Variants in ZMYND8 observed in about 807,000 individuals in gnomAD.
ZMYND8 encodes zinc finger MYND-type containing 8.
Under a neutral mutation model 140.8 loss-of-function variants are expected in ZMYND8, and 37 were observed. The ratio of observed to expected loss-of-function variants is 0.26; its 90% confidence interval spans 0.20 to 0.35. The LOEUF is 0.35. ZMYND8 is among the 10% of genes least tolerant of loss of function. The probability of loss-of-function intolerance (pLI) is 1.00; values close to 1 mark genes in which losing one functional copy is unlikely to be tolerated. For missense variants in ZMYND8, 1,068 were observed against 1,570.0 expected (o/e 0.68, Z 5.40); for synonymous variants, 592 against 597.1 (o/e 0.99, Z 0.12).
chr20:47,305,344 G>A (rs1281067798), intron 3 of ZMYND8, among the ~76,000 whole-genome samples: 5 of 151,710 alleles, frequency 3.3e-5, no homozygotes, highest in Admixed American at 6.6e-5. Flanking sequence ...AGGTTGAAGC[G>A]ATTCTCATGT....
In ZMYND8 at chr20:47,310,040, C is replaced by T; in HGVS notation, c.234+16G>A. 12 of 1,614,114 alleles carry T rather than the reference C, an allele frequency of 7.4e-6. No individual in the cohort carries two copies. The highest frequency in any genetic ancestry group is 1.0e-5 in the Non-Finnish European group (12 of 1,180,018). On this transcript the variant is annotated intron_variant, in intron 3 of 22. Coordinates refer to ENST00000471951, the MANE Select transcript of ZMYND8 (RefSeq NM_001281775.3). ...TGTCCCACCAGTGAGGACACCGTTC[C>T]CAGCGGCTGCTTTACCTGCTCCTTA...
chr20:47,264,206 G>A (rs918661462), intron 11 of ZMYND8, among the ~76,000 whole-genome samples: 15 of 152,200 alleles, frequency 9.9e-5, no homozygotes, highest in South Asian at 6.2e-4. Context: ...GATCAATGTC[G>A]TCGATCTATG....
intron 2 of ZMYND8, among the ~76,000 whole-genome samples, chr20:47,341,934 C>T (rs1361702666): frequency 2.6e-5 from 4 of 151,656 alleles, no homozygotes; most frequent in Non-Finnish European, 5.9e-5. Flanking sequence ...ACCCGGGAGG[C>T]GGAGCTTGCA....
rs910982103 is a variant in ZMYND8 at position 47,303,976 on chromosome 20, A to T, written c.235-5029T>A. On this transcript the variant is annotated intron_variant, in intron 3 of 22. Transcript: ENST00000471951. ...TAGATGCCTGGTTAATCTCCTTATC[A>T]ATCAGATATTTTCCTTATCTGCTGC... is the stretch of plus-strand genomic sequence containing the variant. Among the ~76,000 whole-genome samples, 10 of 151,898 alleles carry T rather than the reference A, an allele frequency of 6.6e-5. No homozygotes were observed. In the Middle Eastern group the frequency reaches 0.014, roughly 207 times the overall value.
intron 1 of ZMYND8, among the ~76,000 whole-genome samples, chr20:47,350,345 A>C (rs2868829): frequency 0.35 from 50,859 of 146,818 alleles, 13,615 homozygotes; most frequent in African/African-American, 0.76. Context: ...AAAAAAAAAA[A>C]AAAAAAACTT....
chr20:47,239,094 G>C lies in ZMYND8; in HGVS notation c.2329C>G (p.Pro777Ala), dbSNP rs769574932. The C allele has an allele frequency of 1.1e-5, 16 of 1,521,402 alleles. No individual in the cohort carries two copies. Among genetic ancestry groups the C allele is most frequent in the Non-Finnish European group, 1.4e-5 (16 of 1,137,604 alleles). 94.2% of individuals were successfully genotyped at this position (1,521,402 alleles called of 1,614,324 possible). The change falls in exon 15 of 23, where the codon CCC (proline) becomes GCC (alanine). Residue 777 changes from proline (P) to alanine (A), a missense_variant. Pro to Ala is a conservative substitution (Grantham distance 27, BLOSUM62 -1). Coordinates refer to ENST00000471951, the MANE Select transcript of ZMYND8 (RefSeq NM_001281775.3). ...CGGGTGAGCACCGGTGTTTCCGGGG[G>C]AGAATGGCTGCCCACCGTCGTGGAT... The part of the protein sequence containing the change: ...PPSTTVGSHS[P>A]PETPVLTRSS...
intron 7 of ZMYND8, among the ~76,000 whole-genome samples, chr20:47,288,438 G>C (rs999281824): frequency 9.1e-5 from 13 of 143,600 alleles, no homozygotes; most frequent in Admixed American, 6.6e-4. Context: ...TGTCACCCAG[G>C]TTGGAGTGCA....
In ZMYND8 at chr20:47,347,905, T is replaced by G; in HGVS notation, c.36A>C (p.Lys12Asn). 1 of 1,614,028 alleles carries G rather than the reference T, an allele frequency of 6.2e-7. No individual in the cohort carries two copies. The highest frequency in any genetic ancestry group is 8.5e-7 in the Non-Finnish European group (1 of 1,180,034). Residue 12 changes from lysine to asparagine, a missense_variant, in exon 2 of 23, where the codon AAA becomes AAC. Coordinates refer to ENST00000471951, the MANE Select transcript of ZMYND8 (RefSeq NM_001281775.3). ...TGCCCTCTACCACCTCCTGTTCTGTTTTTATTTCCTCTTCAGCCAAGCTGA... is the reference window on the plus strand; with the variant it reads ...TGCCCTCTACCACCTCCTGTTCTGTGTTTATTTCCTCTTCAGCCAAGCTGA... ...HPQSLAEEEI[K>N]TEQEVVEGMD...
At chr20:47,351,023 G>A (rs905580943) in intron 1 of ZMYND8, among the ~76,000 whole-genome samples, 1 of 152,024 alleles carries the variant, frequency 6.6e-6, no homozygotes, top group African/African-American at 2.4e-5. Context: ...TACATTTGAG[G>A]CAATTCAAAG....
chr20:47,328,747 C>T (rs2080682363), intron 2 of ZMYND8, among the ~76,000 whole-genome samples: 1 of 152,182 alleles, frequency 6.6e-6, no homozygotes, highest in Non-Finnish European at 1.5e-5. Flanking sequence ...CATGAGCCAC[C>T]GTGCCTGGCC....
At chr20:47,337,716 T>C (rs2081499906) in intron 2 of ZMYND8, among the ~76,000 whole-genome samples, 1 of 152,102 alleles carries the variant, frequency 6.6e-6, no homozygotes, top group Non-Finnish European at 1.5e-5. Context: ...GGCATCGAGA[T>C]GGCACTTCCC....
intron 2 of ZMYND8, among the ~76,000 whole-genome samples, chr20:47,329,593 G>A (rs934072402): frequency 9.2e-5 from 14 of 151,576 alleles, no homozygotes; most frequent in South Asian, 4.2e-4. Context: ...TAGTAGAGGC[G>A]GGGTTTCTCC....
intron 2 of ZMYND8, among the ~76,000 whole-genome samples, chr20:47,337,465 A>C (rs1478435293): frequency 6.6e-6 from 1 of 152,204 alleles, no homozygotes; most frequent in Non-Finnish European, 1.5e-5. Flanking sequence ...CCACGAGTTC[A>C]AGAGCAGCCT....
intron 11 of ZMYND8, among the ~76,000 whole-genome samples, chr20:47,264,763 G>A (rs942452506): frequency 2.0e-5 from 3 of 152,092 alleles, no homozygotes; most frequent in South Asian, 2.1e-4. Flanking sequence ...TGCCAGGTGC[G>A]GTGGTTCACC....
intron 8 of ZMYND8, among the ~76,000 whole-genome samples, chr20:47,284,904 G>GA (rs1291294796): frequency 2.0e-5 from 3 of 151,390 alleles, no homozygotes; most frequent in East Asian, 1.9e-4. Flanking sequence ...CTATTGAAGA[G>GA]AAAAAAAAGC....
chr20:47,350,635 T>C (rs2082710442), intron 1 of ZMYND8, among the ~76,000 whole-genome samples: 1 of 152,026 alleles, frequency 6.6e-6, no homozygotes, highest in Non-Finnish European at 1.5e-5. Context: ...AAAAAAACAG[T>C]CAAATAATTC....
rs566663327 is a variant in ZMYND8 at position 47,289,311 on chromosome 20, C to G, written c.748+876G>C. Reference sequence around the variant, plus strand: ...AATTTAAAAGGCAGACAATATCAACCCTTATAGTGTGTGGAGCAAAAGAGA... The same window carrying G: ...AATTTAAAAGGCAGACAATATCAACGCTTATAGTGTGTGGAGCAAAAGAGA... On this transcript the variant is annotated intron_variant, in intron 7 of 22. Transcript: ENST00000471951. 2.6e-5 allele frequency among the ~76,000 whole-genome samples: 4 copies of G among 152,150 alleles called. No homozygotes were observed. The East Asian group carries it at 7.7e-4, about 29-fold the overall frequency.
At chr20:47,347,581 G>C (rs2082434118) in intron 2 of ZMYND8, among the ~76,000 whole-genome samples, 1 of 152,110 alleles carries the variant, frequency 6.6e-6, no homozygotes, top group African/African-American at 2.4e-5. Flanking sequence ...GCTCCTGAAA[G>C]TCACCCTGCG....
intron 19 of ZMYND8, among the ~76,000 whole-genome samples, chr20:47,223,826 CAA>C (rs750139299): frequency 4.8e-4 from 51 of 106,052 alleles, no homozygotes; most frequent in African/African-American, 6.3e-4. Flanking sequence ...AACTCTGTCT[CAA>C]AAAAAAAAAA....
Sources: gnomAD v4.1 joint callset for allele counts (sites outside exome capture counted in the v4.1 genomes callset) on GRCh38, gnomAD v4.1.1 for gene constraint, MANE v1.5 for transcripts, NCBI Gene and HGNC (gene_info 2026-07-23, HGNC 2026-07-21) for gene names.